ADAMTSL1: variants seen among roughly 807,000 people sequenced by gnomAD.
ADAMTSL1 encodes ADAMTS-like protein 1.
ADAMTSL1 carries 126 observed loss-of-function variants against 201.8 expected under a neutral mutation model. The observed-to-expected ratio is 0.62, with a 90% CI of 0.54 to 0.72. ADAMTSL1 has a LOEUF of 0.72. Ranked by LOEUF, ADAMTSL1 falls within the 30% of genes least tolerant of loss-of-function variation. The probability of loss-of-function intolerance (pLI) is 0.00; values close to 1 mark genes in which losing one functional copy is unlikely to be tolerated. For missense variants in ADAMTSL1, 2,679 were observed against 2,277.8 expected, an observed-to-expected ratio of 1.18 and a Z score of -3.59; for synonymous variants, 1,121 against 903.4, an observed-to-expected ratio of 1.24 and a Z score of -4.32.
intron 1 of ADAMTSL1, among the ~76,000 whole-genome samples, chr9:18,489,501 C>T (rs541407770): frequency 3.2e-4 from 49 of 152,244 alleles, no homozygotes; most frequent in African/African-American, 1.2e-3. Flanking sequence ...ATGCACCAGC[C>T]ACTTCAATGT....
intron 20 of ADAMTSL1, among the ~76,000 whole-genome samples, chr9:18,801,184 T>C (rs1389001952): frequency 6.6e-6 from 1 of 152,166 alleles, no homozygotes; most frequent in Non-Finnish European, 1.5e-5. Flanking sequence ...TTCTCATCTT[T>C]TATGCAAGGC....
At chr9:18,030,192 A>G (rs545910920) in intron 1 of ADAMTSL1, among the ~76,000 whole-genome samples, 1 of 152,356 alleles carries the variant, frequency 6.6e-6, no homozygotes, top group African/African-American at 2.4e-5. Flanking sequence ...TGTGGCACAT[A>G]TACACCATGG....
In ADAMTSL1 at chr9:18,777,731, C is replaced by T. The variant is rs779175944; in HGVS notation, c.3502C>T (p.Arg1168Cys). ...RRPHRKPTIL[R>C]KISAAQQLSA... is the part of the protein sequence containing the mutation. ...GCCACACCGCAAGCCCACCATCCTG[C>T]GCAAGATCTCAGCGGCCCAGCAGCT... is the stretch of plus-strand genomic sequence containing the variant. Residue 1168 changes from arginine (R) to cysteine (C), a missense_variant, in exon 19 of 29, where the codon CGC becomes TGC. Coordinates refer to ENST00000380548, the MANE Select transcript of ADAMTSL1 (RefSeq NM_001040272.6). 1.2e-6 allele frequency: 2 copies of T among 1,613,516 alleles called. No homozygotes were observed. The highest frequency in any genetic ancestry group is 8.5e-7 in the Non-Finnish European group (1 of 1,179,724).
At chr9:18,052,736 A>G (rs565013426) in intron 1 of ADAMTSL1, among the ~76,000 whole-genome samples, 12 of 152,196 alleles carry the variant, frequency 7.9e-5, no homozygotes, top group Middle Eastern at 3.4e-3. Flanking sequence ...TTACTATTTT[A>G]GGAGTCTTTT....
chr9:18,788,433 C>A (rs1356714179), intron 19 of ADAMTSL1, among the ~76,000 whole-genome samples: 2 of 143,630 alleles, frequency 1.4e-5, no homozygotes, highest in African/African-American at 5.1e-5. Flanking sequence ...TGCCTGCCAA[C>A]TAGGCCCCGG....
intron 16 of ADAMTSL1, among the ~76,000 whole-genome samples, chr9:18,757,104 A>G (rs1300784799): frequency 2.0e-5 from 3 of 152,180 alleles, no homozygotes; most frequent in Non-Finnish European, 4.4e-5. Flanking sequence ...TTTTTATTTC[A>G]GTTCTTCCTC....
At chr9:18,060,212 C>A (rs1822388172) in intron 1 of ADAMTSL1, among the ~76,000 whole-genome samples, 1 of 152,042 alleles carries the variant, frequency 6.6e-6, no homozygotes, top group Non-Finnish European at 1.5e-5. Flanking sequence ...TATCATATAC[C>A]CTACTTTGTA....
At chr9:18,567,600 G>T (rs1360156074) in intron 3 of ADAMTSL1, among the ~76,000 whole-genome samples, 1 of 152,300 alleles carries the variant, frequency 6.6e-6, no homozygotes, top group Admixed American at 6.5e-5. Context: ...CAGTGTCTTA[G>T]ATGTCCAGAT....
In ADAMTSL1 at chr9:18,729,371, A is replaced by G. The variant is rs530116673; in HGVS notation, c.2006+7706A>G. 4.6e-5 allele frequency among the ~76,000 whole-genome samples: 7 copies of G among 152,354 alleles called. No individual in the cohort carries two copies. In the East Asian group the frequency reaches 9.6e-4, roughly 21 times the overall value. ...TAAGTTCCAAAGACAAAGCACCTCT[A>G]TTAGTTACAAAACAGGAACTGGCTT... On this transcript the variant is annotated intron_variant, in intron 15 of 28. Coordinates refer to ENST00000380548, the MANE Select transcript of ADAMTSL1 (RefSeq NM_001040272.6).
intron 2 of ADAMTSL1, among the ~76,000 whole-genome samples, chr9:18,309,624 T>A (rs1485006486): frequency 2.0e-5 from 3 of 151,958 alleles, no homozygotes; most frequent in African/African-American, 7.2e-5. Context: ...GAGTACAACT[T>A]ATAAGGGATG....
intron 1 of ADAMTSL1, among the ~76,000 whole-genome samples, chr9:18,001,544 C>T (rs1163664357): frequency 2.0e-5 from 3 of 151,948 alleles, no homozygotes; most frequent in South Asian, 2.1e-4. Flanking sequence ...AATCTTAGAA[C>T]GGGCTGATTC....
chr9:18,897,807 A>G (rs992481627), intron 26 of ADAMTSL1, among the ~76,000 whole-genome samples: 1 of 152,202 alleles, frequency 6.6e-6, no homozygotes, highest in Non-Finnish European at 1.5e-5. Context: ...CCTCTAAATG[A>G]ATCCAACACT....
At chr9:18,862,665 A>G (rs1827282846) in intron 23 of ADAMTSL1, among the ~76,000 whole-genome samples, 1 of 152,182 alleles carries the variant, frequency 6.6e-6, no homozygotes, top group Non-Finnish European at 1.5e-5. Flanking sequence ...CCTCAAAAGT[A>G]TGGTATGACC....
chr9:18,579,637 C>G (rs1050956689), intron 4 of ADAMTSL1, among the ~76,000 whole-genome samples: 1 of 152,030 alleles, frequency 6.6e-6, no homozygotes, highest in African/African-American at 2.4e-5. Context: ...AATATGGGTA[C>G]ACATACGAAA....
intron 3 of ADAMTSL1, among the ~76,000 whole-genome samples, chr9:18,536,124 C>G (rs118132185): frequency 6.6e-5 from 10 of 151,718 alleles, no homozygotes; most frequent in Non-Finnish European, 1.3e-4. Context: ...AGCAGCATTG[C>G]GAAAAAACAC....
intron 22 of ADAMTSL1, among the ~76,000 whole-genome samples, chr9:18,828,282 C>T (rs570735189): frequency 1.3e-5 from 2 of 152,148 alleles, no homozygotes; most frequent in South Asian, 4.2e-4. Context: ...AAATTACTTT[C>T]AAAGCTGTAA....
chr9:18,210,486 AATAT>A (rs1348173464), intron 2 of ADAMTSL1, among the ~76,000 whole-genome samples: 1 of 147,358 alleles, frequency 6.8e-6, no homozygotes, highest in African/African-American at 2.5e-5. Context: ...TATATAAATA[AATAT>A]ATATTAATTA....
At chr9:18,667,708 T>C (rs1320769704) in intron 9 of ADAMTSL1, among the ~76,000 whole-genome samples, 2 of 152,174 alleles carry the variant, frequency 1.3e-5, no homozygotes, top group Non-Finnish European at 2.9e-5. Context: ...TATGATGATG[T>C]TGATGTTAGC....
intron 2 of ADAMTSL1, among the ~76,000 whole-genome samples, chr9:18,374,247 A>C (rs1293208331): frequency 1.3e-5 from 2 of 152,216 alleles, no homozygotes. Context: ...AGAAAGGTGC[A>C]GTTCTGAAAG....
Sources: allele counts gnomAD v4.1 joint callset (sites outside exome capture counted in the v4.1 genomes callset), GRCh38; gene constraint gnomAD v4.1.1; transcripts MANE v1.5; gene names NCBI Gene and HGNC (gene_info 2026-07-23, HGNC 2026-07-21).